UVSSA: variants seen among roughly 807,000 people sequenced by gnomAD.
UVSSA encodes UV stimulated scaffold protein A.
A neutral mutation model predicts 73.9 loss-of-function variants in UVSSA; 72 were observed. The ratio of observed to expected loss-of-function variants is 0.97; its 90% CI spans 0.81 to 1.19. The LOEUF is 1.19. UVSSA is among the 50% of genes most tolerant of loss of function. The pLI is 0.00. For synonymous variants in UVSSA, 454 were observed against 391.3 expected, an observed-to-expected ratio of 1.16 and a Z score of -1.89; for missense variants, 1,150 against 965.0, an observed-to-expected ratio of 1.19 and a Z score of -2.54.
At position 1,354,770 on chromosome 4, in the gene UVSSA, G is replaced by C. The variant is rs970037365; in HGVS notation, c.970G>C (p.Ala324Pro). Residue 324 changes from alanine to proline, a missense_variant, in exon 6 of 14, where the codon GCT (alanine) becomes CCT (proline). Physicochemically the swap from Ala to Pro is conservative, Grantham distance 27. Coordinates refer to ENST00000389851, the MANE Select transcript of UVSSA (RefSeq NM_020894.4). ...GGTGCAGGAGAACGAGGACAACCTT[G>C]CTCTCATCCACGCCGCCCGCGACAC... Reference protein sequence around the residue: ...LKVQENEDNLALIHAARDTLK... With the variant: ...LKVQENEDNLPLIHAARDTLK... The C allele has an allele frequency of 6.2e-7, 1 of 1,613,530 alleles. No homozygotes were observed. The highest frequency in any genetic ancestry group is 1.3e-5 in the African/African-American group (1 of 74,900).
chr4:1,359,711 C>T (rs1384202104), intron 7 of UVSSA, among the ~76,000 whole-genome samples: 1 of 152,118 alleles, frequency 6.6e-6, no homozygotes, highest in Non-Finnish European at 1.5e-5. Flanking sequence ...GAACCAGAGT[C>T]GTCCCCCCGA....
In UVSSA at chr4:1,385,897, T is replaced by C. The variant is rs763355448; in HGVS notation, c.2066T>C (p.Met689Thr). ...KAAVRRVVAA[M>T]NRMDQKKHEK... The stretch of plus-strand genomic sequence containing the variant: ...GCTGTGCGGAGGGTAGTGGCAGCCA[T>C]GAACCGGATGGACCAGAAGAAGCAC... Residue 689 changes from methionine to threonine, a missense_variant, in exon 14 of 14, where the codon ATG becomes ACG. Physicochemically the swap from Met to Thr is moderately conservative, Grantham distance 81. Coordinates refer to ENST00000389851, the MANE Select transcript of UVSSA (RefSeq NM_020894.4). 42 of 1,613,874 alleles carry C rather than the reference T, an allele frequency of 2.6e-5. No homozygotes were observed. The highest frequency in any genetic ancestry group is 3.3e-5 in the Non-Finnish European group (39 of 1,180,028).
intron 12 of UVSSA, 121 bp from the exon 13 acceptor site, chr4:1,383,645 C>T (rs543570816): frequency 1.8e-4 from 217 of 1,203,770 alleles, no homozygotes; most frequent in African/African-American, 4.0e-4. Flanking sequence ...AGGGTACGGC[C>T]GTGGGCAAGG....
chr4:1,344,135 A>C (rs942925800), upstream of UVSSA, among the ~76,000 whole-genome samples: 2 of 152,018 alleles, frequency 1.3e-5, no homozygotes, highest in Non-Finnish European at 2.9e-5. Flanking sequence ...ACTGCTTCTA[A>C]GATTTGTCAC....
chr4:1,348,577 C>T (rs1203732114), intron 2 of UVSSA, among the ~76,000 whole-genome samples: 1 of 152,334 alleles, frequency 6.6e-6, no homozygotes, highest in African/African-American at 2.4e-5. Context: ...GGTATGTCCA[C>T]CTCTGTTCAC....
chr4:1,360,973 C>G (rs1716542453), intron 7 of UVSSA, among the ~76,000 whole-genome samples: 3 of 152,230 alleles, frequency 2.0e-5, no homozygotes, highest in Admixed American at 2.0e-4. Context: ...GACCCAGGGG[C>G]AAACACCAGT....
chr4:1,345,905 GA>G (rs1713630692), upstream of UVSSA, among the ~76,000 whole-genome samples: 2 of 152,176 alleles, frequency 1.3e-5, no homozygotes, highest in African/African-American at 4.8e-5. Flanking sequence ...AAGACAGAGG[GA>G]AACTGCTGGA....
In UVSSA at chr4:1,361,152, A is replaced by AC. The variant is rs542010295; in HGVS notation, c.1177-5166dup. ...TGCCCCTAGCCTAGCTCTGGAATCG[A>AC]CCTCCAGGTATCTTGTGAACCTGAG... is the stretch of plus-strand genomic sequence containing the variant. On this transcript the variant is annotated intron_variant, in intron 7 of 13. Transcript: ENST00000389851. Among the ~76,000 whole-genome samples, 18 of 152,198 alleles carry AC rather than the reference A, an allele frequency of 1.2e-4. No homozygotes were observed. In the East Asian group the frequency reaches 3.5e-3, roughly 29 times the overall value.
chr4:1,394,767 C>G (rs760078126), exon 14 of UVSSA: 21 of 1,582,722 alleles, frequency 1.3e-5, no homozygotes, highest in Admixed American at 1.7e-5. Flanking sequence ...GAGTGCCCAC[C>G]TGCTCACATG....
chr4:1,365,481 G>A (rs1717185815), intron 7 of UVSSA, among the ~76,000 whole-genome samples: 1 of 152,176 alleles, frequency 6.6e-6, no homozygotes, highest in African/African-American at 2.4e-5. Context: ...TTTTCTCAGG[G>A]GAAAAAGAAA....
rs1411084704 is a variant in UVSSA, at chr4:1,353,290, C to T, written c.811C>T (p.Gln271Ter). 4 of 1,611,186 alleles carry T rather than the reference C, an allele frequency of 2.5e-6. No individual in the cohort carries two copies. The East Asian group carries it at 6.7e-5, about 27-fold the overall frequency. Residue 271 changes from glutamine to a stop codon, truncating the protein, a stop_gained, in exon 5 of 14, where the codon CAG (glutamine) becomes TAG (stop). Coordinates refer to ENST00000389851, the MANE Select transcript of UVSSA (RefSeq NM_020894.4). LOFTEE classifies it high-confidence loss of function. The stretch of plus-strand genomic sequence containing the variant: ...CCACCCCAGAGCGGGCGGCGGGGCA[C>T]AGCCATCCCAGACAGCCACAGGTGA... ...AGHPRAGGGA[Q>*]PSQTATGDPS...
intron 12 of UVSSA, 75 bp from the exon 13 acceptor site, chr4:1,383,691 C>G: frequency 1.3e-5 from 20 of 1,581,424 alleles, no homozygotes; most frequent in Non-Finnish European, 1.7e-5. Flanking sequence ...GACCAAGAGC[C>G]CCTCCTGGGG....
chr4:1,377,827 C>G (rs1023112795), intron 10 of UVSSA, among the ~76,000 whole-genome samples: 1 of 152,266 alleles, frequency 6.6e-6, no homozygotes, highest in Admixed American at 6.5e-5. Flanking sequence ...TCATGTTTCC[C>G]CCAACTGCCT....
In UVSSA at chr4:1,348,498, T is replaced by G. The variant is rs536539142; in HGVS notation, c.98+309T>G. 2.0e-5 allele frequency among the ~76,000 whole-genome samples: 3 copies of G among 152,360 alleles called. No homozygotes were observed. In the South Asian group the frequency reaches 6.2e-4, roughly 32 times the overall value. Reference sequence around the variant, plus strand: ...TCAGAGAGAAACGTGCATCTTTTTCTTTGCTGCTGGACTTTTCGAAGGGAA... The same window carrying G: ...TCAGAGAGAAACGTGCATCTTTTTCGTTGCTGCTGGACTTTTCGAAGGGAA... On this transcript the variant is annotated intron_variant, in intron 2 of 13. Coordinates refer to ENST00000389851, the MANE Select transcript of UVSSA (RefSeq NM_020894.4).
At chr4:1,342,474 T>A (rs1216673779), upstream of UVSSA, among the ~76,000 whole-genome samples, 2 of 152,262 alleles carry the variant, frequency 1.3e-5, no homozygotes, top group Admixed American at 6.5e-5. Flanking sequence ...TATACTTTAT[T>A]GACTGTCATT....
chr4:1,359,541 C>G lies in UVSSA; in HGVS notation c.1176+4296C>G, dbSNP rs948598402. On this transcript the variant is annotated intron_variant, in intron 7 of 13. Coordinates refer to ENST00000389851, the MANE Select transcript of UVSSA (RefSeq NM_020894.4). ...AGAAACGCATCTTAAGCATCGTTCT[C>G]TTTAGTACCGTCAGCGTGGCTCTGT... is the stretch of plus-strand genomic sequence containing the variant. The G allele has an allele frequency of 7.9e-5, 12 of 152,360 alleles. 2 individuals carry two copies. Among genetic ancestry groups the G allele is most frequent in the East Asian group, 3.9e-4 (2 of 5,184 alleles). The allele number at this position is 152,360 out of a possible 1,614,324, so 9.4% of individuals were successfully genotyped here. A position where few individuals can be genotyped will look rare whatever the true frequency, so the allele number is the denominator to read the frequency against.
rs1394368435 is a variant in UVSSA, at chr4:1,349,727, C to G, written c.302C>G (p.Pro101Arg). The G allele has an allele frequency of 6.2e-7, 1 of 1,613,624 alleles. No homozygotes were observed. The highest frequency in any genetic ancestry group is 8.5e-7 in the Non-Finnish European group (1 of 1,179,896). The stretch of plus-strand genomic sequence containing the variant: ...ACAGACCCCGCACAGCCTCTGCCGC[C>G]CCCCAGGGAGGCGGCACAGAGGCTG... Reference protein sequence around the residue: ...LGTDPAQPLPPPREAAQRLRQ... With the variant: ...LGTDPAQPLPRPREAAQRLRQ... Residue 101 changes from proline (P) to arginine (R), a missense_variant, in exon 3 of 14, where the codon CCC becomes CGC. Transcript: ENST00000389851.
At chr4:1,351,888 T>C (rs533430571) in intron 4 of UVSSA, 53 bp downstream of exon 4, 25 of 1,598,170 alleles carry the variant, frequency 1.6e-5, no homozygotes, top group Non-Finnish European at 1.5e-5. Flanking sequence ...TTGCCCGTGG[T>C]CCAGCAGTTC....
chr4:1,351,283 C>T (rs1347721595), intron 3 of UVSSA, among the ~76,000 whole-genome samples: 1 of 151,998 alleles, frequency 6.6e-6, no homozygotes, highest in African/African-American at 2.4e-5. Flanking sequence ...CCAGGATGGT[C>T]TCAATCTCCT....
Sources: gnomAD v4.1 joint callset for allele counts (sites outside exome capture counted in the v4.1 genomes callset) on GRCh38, gnomAD v4.1.1 for gene constraint, MANE v1.5 for transcripts, NCBI Gene and HGNC (gene_info 2026-07-23, HGNC 2026-07-21) for gene names.